Variants in SLC24A3 observed in about 807,000 individuals in gnomAD.
SLC24A3 encodes sodium/potassium/calcium exchanger 3.
In SLC24A3, 28 loss-of-function variants were observed where a neutral mutation model predicts 75.8. The observed-to-expected ratio is 0.37, with a 90% CI of 0.27 to 0.51. The LOEUF is 0.51. Among genes scored for constraint, SLC24A3 ranks in the 20% least tolerant of loss-of-function variants. SLC24A3 has a pLI of 0.94. For synonymous variants in SLC24A3, 372 were observed against 334.1 expected (o/e 1.11, Z -1.24); for missense variants, 663 against 847.8 (o/e 0.78, Z 2.71).
At chr20:19,418,550 T>G (rs1358065147) in intron 2 of SLC24A3, among the ~76,000 whole-genome samples, 3 of 151,206 alleles carry the variant, frequency 2.0e-5, no homozygotes, top group African/African-American at 7.3e-5. Flanking sequence ...CAAAAAACAG[T>G]AAATGGAAGA....
At chr20:19,260,656 G>A (rs937253936) in intron 1 of SLC24A3, among the ~76,000 whole-genome samples, 2 of 152,242 alleles carry the variant, frequency 1.3e-5, no homozygotes, top group African/African-American at 4.8e-5. Flanking sequence ...AAGAACTGCT[G>A]CACTTGTCTC....
At chr20:19,487,012 G>T (rs866743926) in intron 2 of SLC24A3, among the ~76,000 whole-genome samples, 1 of 152,196 alleles carries the variant, frequency 6.6e-6, no homozygotes, top group African/African-American at 2.4e-5. Context: ...TTGGATTCTG[G>T]TTCCAGGTCC....
intron 1 of SLC24A3, among the ~76,000 whole-genome samples, chr20:19,274,268 C>A (rs1983417601): frequency 6.6e-6 from 1 of 151,838 alleles, no homozygotes; most frequent in South Asian, 2.1e-4. Context: ...CCCTTGCCCA[C>A]TGGACAGGCT....
intron 15 of SLC24A3, among the ~76,000 whole-genome samples, chr20:19,708,591 G>A (rs868710935): frequency 2.6e-5 from 4 of 152,170 alleles, no homozygotes; most frequent in Admixed American, 6.5e-5. Context: ...AGCTTCCTCT[G>A]GCGATGCCAC....
At chr20:19,567,346 A>C (rs571964741) in intron 3 of SLC24A3, among the ~76,000 whole-genome samples, 1 of 152,350 alleles carries the variant, frequency 6.6e-6, no homozygotes, top group Non-Finnish European at 1.5e-5. Context: ...CACAGCCATA[A>C]AAAAGAATGA....
intron 2 of SLC24A3, among the ~76,000 whole-genome samples, chr20:19,366,859 C>A (rs1159420703): frequency 1.3e-5 from 2 of 152,152 alleles, no homozygotes; most frequent in Non-Finnish European, 1.5e-5. Flanking sequence ...CCACCTCCCA[C>A]CCCCAGATCT....
At chr20:19,696,015 CTTTTTT>C (rs778046824) in intron 13 of SLC24A3, among the ~76,000 whole-genome samples, 47 of 108,090 alleles carry the variant, frequency 4.3e-4, no homozygotes, top group African/African-American at 1.6e-3. Flanking sequence ...TTTTCCTTTT[CTTTTTT>C]TTTTTTTTTT....
chr20:19,375,017 G>A (rs558895437), intron 2 of SLC24A3, among the ~76,000 whole-genome samples: 2 of 152,226 alleles, frequency 1.3e-5, no homozygotes, highest in South Asian at 2.1e-4. Flanking sequence ...GAAGCCCCAG[G>A]TACACCCAGG....
At chr20:19,580,129 CCCTGT>C in intron 4 of SLC24A3, 55 bp downstream of exon 4, 1 of 1,498,630 alleles carries the variant, frequency 6.7e-7, no homozygotes, top group Non-Finnish European at 9.3e-7. Flanking sequence ...TGGACCTGTG[CCCTGT>C]ACTGTTCCAG....
chr20:19,599,776 T>A (rs1318263166), intron 6 of SLC24A3, among the ~76,000 whole-genome samples: 2 of 152,188 alleles, frequency 1.3e-5, no homozygotes, highest in Admixed American at 1.3e-4. Flanking sequence ...TTCTGCAGAA[T>A]GAAGCGTGGG....
At chr20:19,308,436 A>G (rs964404528) in intron 2 of SLC24A3, among the ~76,000 whole-genome samples, 7 of 152,182 alleles carry the variant, frequency 4.6e-5, no homozygotes, top group African/African-American at 1.7e-4. Flanking sequence ...TGGAGGGTGC[A>G]GAAATTAAAC....
chr20:19,672,995 A>G (rs879882554), intron 8 of SLC24A3, among the ~76,000 whole-genome samples: 7 of 152,224 alleles, frequency 4.6e-5, no homozygotes, highest in Non-Finnish European at 1.0e-4. Flanking sequence ...GAAGCCACTA[A>G]GATAAAGAAA....
intron 2 of SLC24A3, among the ~76,000 whole-genome samples, chr20:19,323,398 T>G (rs1157496308): frequency 1.3e-5 from 2 of 152,276 alleles, no homozygotes; most frequent in Non-Finnish European, 2.9e-5. Flanking sequence ...CTGAAAATGT[T>G]CCAGATTTAT....
chr20:19,649,502 T>C (rs914473708), intron 6 of SLC24A3, among the ~76,000 whole-genome samples: 3 of 152,342 alleles, frequency 2.0e-5, no homozygotes, highest in African/African-American at 7.2e-5. Context: ...CTATAGTTTT[T>C]ATAGTAACTC....
intron 2 of SLC24A3, among the ~76,000 whole-genome samples, chr20:19,286,842 A>G (rs2122231097): frequency 6.6e-6 from 1 of 152,392 alleles, no homozygotes; most frequent in East Asian, 1.9e-4. Context: ...AATTGCAATT[A>G]GGTTAATGTG....
At chr20:19,671,457 A>G (rs1568692237) in intron 8 of SLC24A3, among the ~76,000 whole-genome samples, 1 of 152,208 alleles carries the variant, frequency 6.6e-6, no homozygotes, top group Non-Finnish European at 1.5e-5. Flanking sequence ...GAAGTGAAAA[A>G]TGACCTAGGG....
intron 2 of SLC24A3, among the ~76,000 whole-genome samples, chr20:19,335,121 T>A (rs748364014): frequency 1.7e-4 from 26 of 152,352 alleles, no homozygotes; most frequent in Non-Finnish European, 2.6e-4. Context: ...TTAATTTTAG[T>A]TTAATTTTAA....
Position 19,316,237 on chromosome 20 carries a change from C to T in SLC24A3, c.271+35150C>T, listed in dbSNP as rs56082324. 2.5e-3 allele frequency among the ~76,000 whole-genome samples: 379 copies of T among 152,316 alleles called. 3 individuals carry two copies. Among genetic ancestry groups the T allele is most frequent in the African/African-American group, 9.0e-3 (372 of 41,564 alleles). On this transcript the variant is annotated intron_variant, in intron 2 of 16. Transcript: ENST00000328041. ...ATGAACCATCAAAAATCTGGGACCA[C>T]CTGTACTAAGGAAGCTCTAGTTAAG...
At chr20:19,320,840 G>A (rs1984691147) in intron 2 of SLC24A3, among the ~76,000 whole-genome samples, 1 of 152,060 alleles carries the variant, frequency 6.6e-6, no homozygotes. Flanking sequence ...TACATGTTCA[G>A]TACAGATGCA....
Sources: gnomAD v4.1 joint callset for allele counts (sites outside exome capture counted in the v4.1 genomes callset) on GRCh38, gnomAD v4.1.1 for gene constraint, MANE v1.5 for transcripts, NCBI Gene and HGNC (gene_info 2026-07-23, HGNC 2026-07-21) for gene names.